PLEKHA5: variants seen among roughly 807,000 people sequenced by gnomAD.
PLEKHA5 encodes pleckstrin homology domain-containing family A member 5.
A neutral mutation model predicts 181.9 loss-of-function variants in PLEKHA5; 55 were observed. The observed-to-expected ratio is 0.30, with a 90% CI of 0.24 to 0.38. The LOEUF (loss-of-function observed/expected upper bound fraction) is 0.38. Ranked by LOEUF, PLEKHA5 falls within the 10% of genes least tolerant of loss-of-function variation. The pLI is 1.00. For synonymous variants in PLEKHA5, 535 were observed against 529.4 expected, an observed-to-expected ratio of 1.01 and a Z score of -0.15; for missense variants, 1,432 against 1,549.5, an observed-to-expected ratio of 0.92 and a Z score of 1.27.
intron 3 of PLEKHA5, among the ~76,000 whole-genome samples, chr12:19,135,286 G>C (rs1400685559): frequency 6.6e-6 from 1 of 152,128 alleles, no homozygotes; most frequent in Admixed American, 6.5e-5. Flanking sequence ...GTGGTAAGAG[G>C]AGAGGATTGT....
At chr12:19,366,242 C>T in intron 30 of PLEKHA5, 133 bp downstream of exon 30, 1 of 695,088 alleles carries the variant, frequency 1.4e-6, no homozygotes, top group East Asian at 2.9e-5. Context: ...TTTGCCTCCC[C>T]AAGTGTACCT....
intron 3 of PLEKHA5, among the ~76,000 whole-genome samples, chr12:19,221,193 G>T (rs549978167): frequency 6.6e-6 from 1 of 152,258 alleles, no homozygotes; most frequent in East Asian, 1.9e-4. Context: ...ACCAGCACTT[G>T]AATGTCTATA....
intron 20 of PLEKHA5, among the ~76,000 whole-genome samples, chr12:19,335,982 C>T (rs572314617): frequency 8.5e-5 from 13 of 152,210 alleles, no homozygotes; most frequent in African/African-American, 1.4e-4. Context: ...CAACAAATGA[C>T]AAGCTGTTAA....
intron 16 of PLEKHA5, chr12:19,319,818 G>A: frequency 2.5e-6 from 1 of 393,974 alleles, no homozygotes; most frequent in Admixed American, 4.8e-5. Context: ...AAAATGTACT[G>A]GGCAGAAGCT....
At chr12:19,176,056 A>G (rs1286577115) in intron 3 of PLEKHA5, among the ~76,000 whole-genome samples, 1 of 152,154 alleles carries the variant, frequency 6.6e-6, no homozygotes, top group Admixed American at 6.5e-5. Flanking sequence ...AAAATTAAAT[A>G]ACCTTCAAAA....
At chr12:19,362,851 A>G (rs908743838) in intron 29 of PLEKHA5, among the ~76,000 whole-genome samples, 6 of 151,984 alleles carry the variant, frequency 3.9e-5, no homozygotes, top group Non-Finnish European at 4.4e-5. Flanking sequence ...ATCACTGCCT[A>G]TGCAGTCGGC....
At chr12:19,210,875 C>T (rs1214195137) in intron 3 of PLEKHA5, among the ~76,000 whole-genome samples, 4 of 151,924 alleles carry the variant, frequency 2.6e-5, no homozygotes, top group African/African-American at 9.7e-5. Context: ...ATTTTCACTG[C>T]CTTTTCTCCA....
At chr12:19,298,690 C>T (rs2080618911) in intron 15 of PLEKHA5, among the ~76,000 whole-genome samples, 1 of 151,742 alleles carries the variant, frequency 6.6e-6, no homozygotes, top group African/African-American at 2.4e-5. Context: ...ATCTTTATCC[C>T]TCAAGTCCCT....
At position 19,268,002 on chromosome 12, in the gene PLEKHA5, A is replaced by G. The variant is rs550030341; in HGVS notation, c.712-1768A>G. Among the ~76,000 whole-genome samples the G allele has an allele frequency of 3.1e-4, 47 of 152,236 alleles. No homozygotes were observed. The South Asian group carries it at 3.9e-3, about 13-fold the overall frequency. On this transcript the variant is annotated intron_variant, in intron 8 of 31. Coordinates refer to ENST00000429027, the MANE Select transcript of PLEKHA5 (RefSeq NM_001256470.2). ...TACATGAGCTATGGAGAAAAAGAAC[A>G]GGAAAGGTATAGTGGTGAGGTTAAG... is the stretch of plus-strand genomic sequence containing the variant.
At chr12:19,236,054 T>C (rs926051178) in intron 3 of PLEKHA5, among the ~76,000 whole-genome samples, 6 of 152,146 alleles carry the variant, frequency 3.9e-5, no homozygotes, top group Admixed American at 1.3e-4. Flanking sequence ...AAAGGAAAGT[T>C]AGGAATGTAA....
At chr12:19,335,425 T>TA (rs568044757) in intron 20 of PLEKHA5, among the ~76,000 whole-genome samples, 130 of 151,436 alleles carry the variant, frequency 8.6e-4, no homozygotes, top group African/African-American at 3.0e-3. Flanking sequence ...TTTATTTATT[T>TA]TTTTTTTTGA....
intron 3 of PLEKHA5, among the ~76,000 whole-genome samples, chr12:19,192,833 A>C (rs2051520555): frequency 6.6e-6 from 1 of 152,224 alleles, no homozygotes. Flanking sequence ...GAGTGATGAG[A>C]CTATCATAGA....
In PLEKHA5 at chr12:19,245,554, C is replaced by A. The variant is rs146651149; in HGVS notation, c.228-8386C>A. On this transcript the variant is annotated intron_variant, in intron 3 of 31. Transcript: ENST00000429027. ...ACCAGCCTGGCCAATATGGTGAAAC[C>A]CCGTCTCTACTAAAAATACAAAAAT... 9.3e-4 allele frequency among the ~76,000 whole-genome samples: 141 copies of A among 151,686 alleles called. 1 individual carries two copies. The highest frequency in any genetic ancestry group is 1.5e-3 in the Non-Finnish European group (101 of 67,888).
intron 7 of PLEKHA5, among the ~76,000 whole-genome samples, chr12:19,262,801 G>A (rs1255091734): frequency 6.6e-6 from 1 of 152,142 alleles, no homozygotes; most frequent in African/African-American, 2.4e-5. Flanking sequence ...TGATTCATTT[G>A]TACTCCAGAC....
chr12:19,193,273 A>T (rs1164990586), intron 3 of PLEKHA5, among the ~76,000 whole-genome samples: 1 of 152,218 alleles, frequency 6.6e-6, no homozygotes, highest in African/African-American at 2.4e-5. Context: ...CACAAGAATG[A>T]TGCTTCATTA....
intron 20 of PLEKHA5, among the ~76,000 whole-genome samples, chr12:19,323,076 T>G (rs2091297662): frequency 6.8e-6 from 1 of 146,864 alleles, no homozygotes. Flanking sequence ...TTGCCCAGAC[T>G]GGTCTCAAAC....
intron 13 of PLEKHA5, among the ~76,000 whole-genome samples, chr12:19,290,210 C>T (rs901302264): frequency 7.9e-5 from 12 of 152,140 alleles, no homozygotes; most frequent in Middle Eastern, 6.8e-3. Context: ...GGATTACAGG[C>T]GTGAGCCACT....
chr12:19,331,480 C>T (rs902204624), intron 20 of PLEKHA5, among the ~76,000 whole-genome samples: 1 of 152,120 alleles, frequency 6.6e-6, no homozygotes, highest in Non-Finnish European at 1.5e-5. Flanking sequence ...GCTGGGATTA[C>T]AGGCGTAAGC....
chr12:19,343,978 G>A (rs1404496402), intron 22 of PLEKHA5, among the ~76,000 whole-genome samples: 4 of 152,002 alleles, frequency 2.6e-5, no homozygotes, highest in Non-Finnish European at 5.9e-5. Flanking sequence ...CTTGAACCCG[G>A]GAGGTGGAGG....
Sources: gnomAD v4.1 joint callset for allele counts (sites outside exome capture counted in the v4.1 genomes callset) on GRCh38, gnomAD v4.1.1 for gene constraint, MANE v1.5 for transcripts, NCBI Gene and HGNC (gene_info 2026-07-23, HGNC 2026-07-21) for gene names.